The following ZFAND3 variants were observed in gnomAD, a reference collection of about 807,000 sequenced individuals.
ZFAND3 encodes the protein zinc finger AN1-type containing 3.
ZFAND3 carries 10 observed loss-of-function variants against 29.6 expected under a neutral mutation model. The observed-to-expected ratio is 0.34, with a 90% confidence interval of 0.21 to 0.57. The LOEUF (loss-of-function observed/expected upper bound fraction) is 0.57, where lower values mean the gene tolerates loss of function less well. Ranked by LOEUF, ZFAND3 falls within the 20% of genes least tolerant of loss-of-function variation. The probability of loss-of-function intolerance (pLI) is 0.86; values close to 1 mark genes in which losing one functional copy is unlikely to be tolerated. For synonymous variants in ZFAND3, 128 were observed against 112.6 expected, an observed-to-expected ratio of 1.14 and a Z score of -0.87; for missense variants, 230 against 304.5, an observed-to-expected ratio of 0.76 and a Z score of 1.82.
intron 1 of ZFAND3, among the ~76,000 whole-genome samples, chr6:37,835,541 G>A (rs1763951752): frequency 6.9e-6 from 1 of 144,482 alleles, no homozygotes; most frequent in South Asian, 2.3e-4. Context: ...GTATGGTTTT[G>A]TATTATTTTA....
intron 2 of ZFAND3, among the ~76,000 whole-genome samples, chr6:37,957,209 A>G (rs1425190740): frequency 6.6e-6 from 1 of 152,108 alleles, no homozygotes; most frequent in Non-Finnish European, 1.5e-5. Flanking sequence ...GAATAACGCA[A>G]ATTATCTTTT....
intron 1 of ZFAND3, among the ~76,000 whole-genome samples, chr6:37,876,826 G>C (rs1764801881): frequency 6.6e-6 from 1 of 152,136 alleles, no homozygotes; most frequent in East Asian, 1.9e-4. Context: ...TGATCTTTTT[G>C]CCTGTGAGAT....
chr6:37,969,904 C>T (rs1224374262), intron 2 of ZFAND3, among the ~76,000 whole-genome samples: 1 of 151,436 alleles, frequency 6.6e-6, no homozygotes, highest in African/African-American at 2.4e-5. Context: ...ACAATCAAAT[C>T]CCCTTGTGGT....
intron 2 of ZFAND3, among the ~76,000 whole-genome samples, chr6:37,961,130 G>C (rs1218053945): frequency 2.6e-5 from 4 of 152,190 alleles, no homozygotes; most frequent in African/African-American, 9.7e-5. Context: ...CTTGGCTCTT[G>C]GATGGCATTT....
At chr6:38,125,080 G>A (rs1765609997) in intron 5 of ZFAND3, among the ~76,000 whole-genome samples, 1 of 152,230 alleles carries the variant, frequency 6.6e-6, no homozygotes, top group Admixed American at 6.5e-5. Context: ...TTTGATGGGA[G>A]TTATTATATA....
intron 4 of ZFAND3, among the ~76,000 whole-genome samples, chr6:38,107,811 T>A (rs1374207660): frequency 6.6e-6 from 1 of 152,078 alleles, no homozygotes; most frequent in Non-Finnish European, 1.5e-5. Context: ...CTAGCCTGAA[T>A]GAATAAATAA....
intron 5 of ZFAND3, among the ~76,000 whole-genome samples, chr6:38,134,743 C>T (rs1765808101): frequency 6.6e-6 from 1 of 152,242 alleles, no homozygotes. Flanking sequence ...ACAGCCCTTA[C>T]TCCTCAGCTG....
intron 2 of ZFAND3, among the ~76,000 whole-genome samples, chr6:38,057,060 G>GA (rs1561983217): frequency 6.6e-6 from 1 of 152,050 alleles, no homozygotes; most frequent in African/African-American, 2.4e-5. Flanking sequence ...TTATTCCTAA[G>GA]TTTTTTTCTC....
chr6:38,060,237 A>G (rs942504460), intron 2 of ZFAND3, among the ~76,000 whole-genome samples: 13 of 152,256 alleles, frequency 8.5e-5, no homozygotes, highest in African/African-American at 2.9e-4. Context: ...GGACGACAGT[A>G]TTTTGTGGCT....
At chr6:38,047,324 A>AG (rs1319125539) in intron 2 of ZFAND3, among the ~76,000 whole-genome samples, 1 of 151,054 alleles carries the variant, frequency 6.6e-6, no homozygotes, top group Non-Finnish European at 1.5e-5. Context: ...CAAAAAAAAA[A>AG]AAAAGAAAAG....
At chr6:38,050,697 C>T (rs1268441533) in intron 2 of ZFAND3, among the ~76,000 whole-genome samples, 4 of 152,148 alleles carry the variant, frequency 2.6e-5, no homozygotes, top group African/African-American at 9.7e-5. Context: ...ATAAGTTACC[C>T]AGTCTTGGGT....
At chr6:38,081,302 C>G (rs557967263) in intron 3 of ZFAND3, among the ~76,000 whole-genome samples, 18 of 152,214 alleles carry the variant, frequency 1.2e-4, no homozygotes, top group South Asian at 1.0e-3. Context: ...TCTTCTTACA[C>G]TCACTAAGGG....
rs989293447 is a variant in ZFAND3, at chr6:37,913,293, C to T, written c.72-16666C>T. On this transcript the variant is annotated intron_variant, in intron 1 of 5. Transcript: ENST00000287218. ...GAATTGGAATCAATCCTCTCGAACC[C>T]TGCTGCTGCTTTATCAGCTGAGTTT... Among the ~76,000 whole-genome samples the T allele has an allele frequency of 4.6e-5, 7 of 152,202 alleles. No homozygotes were observed. The East Asian group carries it at 7.7e-4, about 17-fold the overall frequency.
chr6:37,977,926 G>GTTCTTCCTTTCTTCCTTTCTTCCT (rs371426504), intron 2 of ZFAND3, among the ~76,000 whole-genome samples: 1 of 106,968 alleles, frequency 9.3e-6, no homozygotes, highest in Non-Finnish European at 1.8e-5. Flanking sequence ...CCTTTCTTCC[G>GTTCTTCCTTTCTTCCTTTCTTCCT]TTCTTCCTTT....
intron 2 of ZFAND3, among the ~76,000 whole-genome samples, chr6:37,931,016 CAAA>C (rs759072702): frequency 7.2e-5 from 11 of 152,100 alleles, no homozygotes; most frequent in Non-Finnish European, 1.3e-4. Context: ...TCTGTAGACT[CAAA>C]GAAGTGAAGA....
chr6:37,915,178 T>C (rs1761223534), intron 1 of ZFAND3, among the ~76,000 whole-genome samples: 1 of 152,234 alleles, frequency 6.6e-6, no homozygotes, highest in South Asian at 2.1e-4. Context: ...ACTTCTCTTA[T>C]GCAGCTTCCT....
At chr6:37,965,276 T>A (rs1762272829) in intron 2 of ZFAND3, among the ~76,000 whole-genome samples, 1 of 152,214 alleles carries the variant, frequency 6.6e-6, no homozygotes. Flanking sequence ...ATTGACCAGT[T>A]ACTGGTCTAT....
At chr6:37,857,668 C>T (rs1581713060) in intron 1 of ZFAND3, among the ~76,000 whole-genome samples, 1 of 152,124 alleles carries the variant, frequency 6.6e-6, no homozygotes, top group Admixed American at 6.6e-5. Context: ...ACTTGTCGAG[C>T]AGCTTGAGAT....
intron 2 of ZFAND3, among the ~76,000 whole-genome samples, chr6:38,034,975 T>A (rs1294626181): frequency 6.6e-6 from 1 of 152,186 alleles, no homozygotes; most frequent in Non-Finnish European, 1.5e-5. Context: ...GTCTTGCTTC[T>A]AATTTGTGCT....
Sources: gnomAD v4.1 joint callset for allele counts (sites outside exome capture counted in the v4.1 genomes callset) on GRCh38, gnomAD v4.1.1 for gene constraint, MANE v1.5 for transcripts, NCBI Gene and HGNC (gene_info 2026-07-23, HGNC 2026-07-21) for gene names.